MIGA1: variants seen among roughly 807,000 people sequenced by gnomAD.
MIGA1 encodes the protein family with sequence similarity 73, member A.
MIGA1 carries 58 observed loss-of-function variants against 82.0 expected under a neutral mutation model. That is an observed-to-expected ratio of 0.71 (90% CI 0.57 to 0.88). MIGA1 has a LOEUF of 0.88. MIGA1 is among the 40% of genes least tolerant of loss of function. The pLI is 0.00. For synonymous variants in MIGA1, 249 were observed against 253.6 expected (o/e 0.98, Z 0.17); for missense variants, 751 against 749.1 (o/e 1.00, Z -0.03).
chr1:77,828,057 T>TATAAATAA (rs560298209), intron 7 of MIGA1, among the ~76,000 whole-genome samples: 20 of 151,762 alleles, frequency 1.3e-4, no homozygotes, highest in South Asian at 2.1e-4. Context: ...GACTTTGTCT[T>TATAAATAA]ATAAATAAAT....
chr1:77,788,918 A>G (rs1450218709), intron 2 of MIGA1, among the ~76,000 whole-genome samples: 1 of 152,180 alleles, frequency 6.6e-6, no homozygotes, highest in African/African-American at 2.4e-5. Context: ...TATGACATTT[A>G]GGATGGGTTT....
intron 2 of MIGA1, among the ~76,000 whole-genome samples, chr1:77,794,338 C>A: frequency 6.6e-6 from 1 of 152,182 alleles, no homozygotes; most frequent in East Asian, 1.9e-4. Context: ...TAGGTTCCCA[C>A]ATTGCATTTA....
Position 77,803,401 on chromosome 1 carries a change from G to A in MIGA1, c.505G>A (p.Ala169Thr). 1 of 1,499,896 alleles carries A rather than the reference G, an allele frequency of 6.7e-7. No homozygotes were observed. Among genetic ancestry groups the A allele is most frequent in the Non-Finnish European group, 8.9e-7 (1 of 1,122,882 alleles). 92.9% of individuals were successfully genotyped at this position (1,499,896 alleles called of 1,614,324 possible). A position where few individuals can be genotyped will look rare whatever the true frequency, so the allele number is the denominator to read the frequency against. Reference sequence around the variant, plus strand: ...ATATTCAGGTTCTGCACAGAGTTTGGCCTCTGTAAGTACAGAAAAAATATT... The same window carrying A: ...ATATTCAGGTTCTGCACAGAGTTTGACCTCTGTAAGTACAGAAAAAATATT... Residue 169 changes from alanine to threonine, a missense_variant, in exon 4 of 16, where the codon GCC becomes ACC. By Grantham distance (58) the Ala-to-Thr change is moderately conservative. Transcript: ENST00000370791.
chr1:77,805,056 A>G (rs931467231), intron 4 of MIGA1, among the ~76,000 whole-genome samples: 17 of 139,944 alleles, frequency 1.2e-4, no homozygotes, highest in African/African-American at 4.6e-4. Context: ...GTGCAGTGGC[A>G]CAATCTCCGC....
rs774540541 is a variant in MIGA1, at chr1:77,801,410, A to T, written c.275A>T (p.His92Leu). 2 of 1,608,896 alleles carry T rather than the reference A, an allele frequency of 1.2e-6. No homozygotes were observed. Among genetic ancestry groups the T allele is most frequent in the Admixed American group, 1.7e-5 (1 of 58,010 alleles). The change falls in exon 3 of 16, where the codon CAC becomes CTC. Residue 92 changes from histidine to leucine, a missense_variant. His to Leu is a moderately conservative substitution (Grantham distance 99). This residue lies in a region of MIGA1 where 482 missense variants were observed against 439.4 expected (regional missense o/e 1.10). Transcript: ENST00000370791. ...ATATCTGTAATTTTTCTGGCTCATCACTTTAAAAGAAAACGTGGAAAGAAG... is the reference window on the plus strand; with the variant it reads ...ATATCTGTAATTTTTCTGGCTCATCTCTTTAAAAGAAAACGTGGAAAGAAG...
chr1:77,793,434 G>A (rs1316585925), intron 2 of MIGA1, among the ~76,000 whole-genome samples: 1 of 151,654 alleles, frequency 6.6e-6, no homozygotes, highest in East Asian at 1.9e-4. Flanking sequence ...AATCCTGAGA[G>A]GTTTTTTTTG....
At chr1:77,868,087 G>A (rs1402189150) in intron 14 of MIGA1, among the ~76,000 whole-genome samples, 9 of 152,022 alleles carry the variant, frequency 5.9e-5, no homozygotes, top group Non-Finnish European at 8.8e-5. Flanking sequence ...ATAGGACTGC[G>A]GTAAGGATGA....
In MIGA1 at chr1:77,873,075, T is replaced by C; in HGVS notation, c.1635T>C (p.Phe545=). The change falls in exon 15 of 16, where the codon TTT becomes TTC. Residue 545 remains phenylalanine (F), a synonymous_variant. Transcript: ENST00000370791. ...TCAGTCCTGTCCTAGCCTGGGGCTT[T>C]TTGGGTCCTAGAAATTCTCTGTATG... 1 of 1,613,916 alleles carries C rather than the reference T, an allele frequency of 6.2e-7. No individual in the cohort carries two copies.
At position 77,879,216 on chromosome 1, in the gene MIGA1, A is replaced by G. The variant is rs1315431902; in HGVS notation, c.*4152A>G. On this transcript the variant is annotated 3_prime_UTR_variant, in exon 16 of 16. Transcript: ENST00000370791. ...GATTATAGGAATTAAGCTGAATTCT[A>G]ATTTTTTTGCTTAGATTTAGAAATA... The G allele has an allele frequency of 1.3e-5, 2 of 152,288 alleles. No individual in the cohort carries two copies. The highest frequency in any genetic ancestry group is 2.9e-5 in the Non-Finnish European group (2 of 68,090). 9.4% of individuals were successfully genotyped at this position (152,288 alleles called of 1,614,324 possible).
intron 12 of MIGA1, chr1:77,862,148 A>G (rs780824024): frequency 7.4e-6 from 1 of 135,514 alleles, no homozygotes; most frequent in Non-Finnish European, 1.5e-5. Context: ...CTCAAAAAAT[A>G]TATAGATATA....
chr1:77,855,318 C>T (rs1571001506), intron 8 of MIGA1, among the ~76,000 whole-genome samples: 1 of 152,156 alleles, frequency 6.6e-6, no homozygotes, highest in East Asian at 1.9e-4. Context: ...AGTTTGAAAT[C>T]AGGTCGTGTG....
intron 15 of MIGA1, among the ~76,000 whole-genome samples, chr1:77,874,245 G>A (rs1181132967): frequency 6.6e-6 from 1 of 152,002 alleles, no homozygotes; most frequent in African/African-American, 2.4e-5. Flanking sequence ...GTGAGTTTCA[G>A]TGTATATAAT....
At chr1:77,871,193 T>C (rs188951055) in intron 14 of MIGA1, among the ~76,000 whole-genome samples, 42 of 151,860 alleles carry the variant, frequency 2.8e-4, no homozygotes, top group African/African-American at 9.7e-4. Context: ...TAACTGCTGC[T>C]ATCTTATATT....
intron 7 of MIGA1, 96 bp downstream of exon 7, chr1:77,815,327 G>A: frequency 3.1e-6 from 3 of 971,312 alleles, no homozygotes; most frequent in South Asian, 3.8e-5. Context: ...TGTAATAATA[G>A]GTTACTTAAA....
intron 2 of MIGA1, among the ~76,000 whole-genome samples, chr1:77,789,201 CTTTTTTTTT>C (rs148055304): frequency 3.7e-5 from 4 of 108,858 alleles, no homozygotes; most frequent in South Asian, 3.2e-4. Context: ...GGGGCGGTTG[CTTTTTTTTT>C]TTTTTTTTTT....
chr1:77,801,164 T>C (rs1479297063), intron 2 of MIGA1, among the ~76,000 whole-genome samples, 167 bp from the exon 3 acceptor site: 1 of 152,196 alleles, frequency 6.6e-6, no homozygotes, highest in East Asian at 1.9e-4. Context: ...TTTAAGATAT[T>C]TTTTAAAAAA....
chr1:77,813,916 CT>C (rs769310267), intron 6 of MIGA1, 49 bp downstream of exon 6: 221 of 1,586,986 alleles, frequency 1.4e-4, no homozygotes, highest in Admixed American at 2.1e-4. Flanking sequence ...AAGAATCAAA[CT>C]TTTTTTTTGT....
intron 8 of MIGA1, among the ~76,000 whole-genome samples, chr1:77,844,113 A>AAATATATATATATATAT (rs1296124524): frequency 6.7e-5 from 6 of 90,144 alleles, no homozygotes; most frequent in African/African-American, 1.8e-4. Context: ...AAAAAAAAAA[A>AAATATATATATATATAT]ATATATATAT....
intron 8 of MIGA1, among the ~76,000 whole-genome samples, chr1:77,852,817 A>G (rs932969669): frequency 2.6e-5 from 4 of 152,106 alleles, no homozygotes; most frequent in African/African-American, 9.7e-5. Context: ...CAGCCTCCCA[A>G]GTAGCTGGTA....
Sources: allele counts gnomAD v4.1 joint callset (sites outside exome capture counted in the v4.1 genomes callset), GRCh38; gene constraint gnomAD v4.1.1; regional missense constraint gnomAD v4.1.1; transcripts MANE v1.5; gene names NCBI Gene and HGNC (gene_info 2026-07-23, HGNC 2026-07-21).